KTN1: variants seen among roughly 807,000 people sequenced by gnomAD.
KTN1 encodes the protein kinectin.
In KTN1, 130 loss-of-function variants were observed where a neutral mutation model predicts 222.5. The ratio of observed to expected loss-of-function variants is 0.58; its 90% CI spans 0.51 to 0.68. The LOEUF is 0.68. KTN1 is among the 30% of genes least tolerant of loss of function. The pLI is 0.00. For missense variants in KTN1, 1,508 were observed against 1,500.4 expected (o/e 1.01, Z -0.08); for synonymous variants, 512 against 496.3 (o/e 1.03, Z -0.42).
At chr14:55,601,638 T>C (rs1217132513) in intron 1 of KTN1, 1 of 152,234 alleles carries the variant, frequency 6.6e-6, no homozygotes, top group Non-Finnish European at 1.5e-5. Context: ...GAGTCATTTA[T>C]TTTTAAAAAT....
At chr14:55,620,194 G>T (rs2038952067) in intron 5 of KTN1, among the ~76,000 whole-genome samples, 1 of 152,218 alleles carries the variant, frequency 6.6e-6, no homozygotes, top group African/African-American at 2.4e-5. Context: ...TCAAGAGGTG[G>T]ATTCCCATGG....
At chr14:55,630,385 T>C (rs1193376579) in intron 7 of KTN1, among the ~76,000 whole-genome samples, 1 of 152,182 alleles carries the variant, frequency 6.6e-6, no homozygotes, top group Non-Finnish European at 1.5e-5. Context: ...AGAAGTGATA[T>C]GCAGACTGTG....
intron 42 of KTN1, 118 bp from the exon 43 acceptor site, chr14:55,679,447 A>G: frequency 1.2e-6 from 1 of 816,104 alleles, no homozygotes; most frequent in Non-Finnish European, 1.9e-6. Context: ...TTTTCATGTC[A>G]TTGTTCAGAT....
intron 1 of KTN1, among the ~76,000 whole-genome samples, chr14:55,593,524 T>C (rs2034517446): frequency 7.0e-6 from 1 of 143,678 alleles, no homozygotes; most frequent in South Asian, 2.2e-4. Context: ...GCGCTAGGAC[T>C]AGCTGCTTGG....
At chr14:55,626,208 CAAAA>C (rs532496956) in intron 5 of KTN1, among the ~76,000 whole-genome samples, 1 of 143,246 alleles carries the variant, frequency 7.0e-6, no homozygotes, top group Non-Finnish European at 1.5e-5. Flanking sequence ...ATATCTTTAA[CAAAA>C]AAAAAAACCC....
At chr14:55,599,403 A>G (rs1484180369) in intron 1 of KTN1, among the ~76,000 whole-genome samples, 1 of 152,004 alleles carries the variant, frequency 6.6e-6, no homozygotes, top group Admixed American at 6.6e-5. Context: ...TTTTTTCCAG[A>G]GAGATTTTTC....
At chr14:55,627,291 C>T (rs1292370154) in intron 5 of KTN1, among the ~76,000 whole-genome samples, 1 of 151,998 alleles carries the variant, frequency 6.6e-6, no homozygotes, top group East Asian at 1.9e-4. Flanking sequence ...TTTCAGGATA[C>T]ACAACATTAA....
Position 55,601,546 on chromosome 14 carries a change from G to A in KTN1, c.-30-10473G>A, listed in dbSNP as rs369541791. Among the ~76,000 whole-genome samples the A allele has an allele frequency of 1.9e-3, 291 of 152,072 alleles. 2 individuals carry two copies. Among genetic ancestry groups the A allele is most frequent in the Non-Finnish European group, 2.8e-3 (188 of 67,978 alleles). On this transcript the variant is annotated intron_variant, in intron 1 of 43. Coordinates refer to ENST00000395314, the MANE Select transcript of KTN1 (RefSeq NM_001079521.2). ...AATAGGAATTTAGATGAGTTTTTGC[G>A]TTTTGATGGCCGTTTCAGGAAATGG...
chr14:55,618,417 G>T (rs1239202605), intron 4 of KTN1, among the ~76,000 whole-genome samples: 2 of 150,700 alleles, frequency 1.3e-5, no homozygotes, highest in East Asian at 1.9e-4. Context: ...CATAACTGTT[G>T]TTTTTTTTTA....
intron 1 of KTN1, among the ~76,000 whole-genome samples, chr14:55,589,012 T>G (rs749746798): frequency 5.9e-5 from 9 of 152,204 alleles, no homozygotes; most frequent in Admixed American, 5.2e-4. Flanking sequence ...CCACACAGTT[T>G]AAACCCATAG....
intron 43 of KTN1, chr14:55,680,616 C>A: frequency 1.2e-6 from 1 of 838,712 alleles, no homozygotes; most frequent in Non-Finnish European, 1.9e-6. Flanking sequence ...TCAGGGAGAG[C>A]TTAGGTATCC....
At chr14:55,647,992 G>A (rs771699809) in intron 19 of KTN1, 33 bp from the exon 20 acceptor site, 1 of 828,170 alleles carries the variant, frequency 1.2e-6, no homozygotes, top group Non-Finnish European at 1.8e-6. Context: ...TTGAAAAATA[G>A]TTAATACATG....
Position 55,679,661 on chromosome 14 carries a change from G to A in KTN1, c.4045G>A (p.Glu1349Lys), listed in dbSNP as rs1329023199. Reference sequence around the variant, plus strand: ...GGCGGTAAACCAACAGCTCACAAAGGAGAAAGAGCACTACCAGGTGTTAGG... The same window carrying A: ...GGCGGTAAACCAACAGCTCACAAAGAAGAAAGAGCACTACCAGGTGTTAGG... ...LQAVNQQLTK[E>K]KEHYQVLE Residue 1349 changes from glutamate (E) to lysine (K), a missense_variant, in exon 43 of 44, where the codon GAG becomes AAG. By Grantham distance (56) the Glu-to-Lys change is moderately conservative (BLOSUM62 1). Transcript: ENST00000395314. 1 of 1,613,828 alleles carries A rather than the reference G, an allele frequency of 6.2e-7. No homozygotes were observed. Among genetic ancestry groups the A allele is most frequent in the East Asian group, 2.2e-5 (1 of 44,872 alleles).
chr14:55,618,508 T>C (rs1232595843), intron 4 of KTN1, among the ~76,000 whole-genome samples: 1 of 152,156 alleles, frequency 6.6e-6, no homozygotes, highest in African/African-American at 2.4e-5. Flanking sequence ...ATCCCCTGTT[T>C]CCACATAAGT....
chr14:55,653,402 C>G (rs989941814), intron 27 of KTN1, among the ~76,000 whole-genome samples, 157 bp from the exon 28 acceptor site: 5 of 152,090 alleles, frequency 3.3e-5, no homozygotes, highest in African/African-American at 1.2e-4. Flanking sequence ...TTTAATAAAA[C>G]TCATTCTGTC....
At chr14:55,649,212 G>A (rs772589535) in intron 21 of KTN1, among the ~76,000 whole-genome samples, 1 of 152,190 alleles carries the variant, frequency 6.6e-6, no homozygotes, top group African/African-American at 2.4e-5. Flanking sequence ...TAGGCATGAG[G>A]CACTGTGCCC....
At chr14:55,669,455 CTATT>C (rs1241221294) in intron 34 of KTN1, among the ~76,000 whole-genome samples, 14 of 151,882 alleles carry the variant, frequency 9.2e-5, no homozygotes, top group East Asian at 1.9e-4. Context: ...GGACAATAAA[CTATT>C]TATGTTATAA....
At chr14:55,636,588 T>A (rs750374175) in intron 10 of KTN1, 52 bp downstream of exon 10, 7 of 1,294,394 alleles carry the variant, frequency 5.4e-6, no homozygotes. Context: ...TGGGTAAAAT[T>A]TCCTCTCTCT....
chr14:55,629,067 T>A (rs1415589009), intron 6 of KTN1, among the ~76,000 whole-genome samples: 1 of 152,126 alleles, frequency 6.6e-6, no homozygotes, highest in African/African-American at 2.4e-5. Context: ...TGATAATTAA[T>A]ATTTGTTCTA....
Sources: allele counts gnomAD v4.1 joint callset (sites outside exome capture counted in the v4.1 genomes callset), GRCh38; gene constraint gnomAD v4.1.1; transcripts MANE v1.5; gene names NCBI Gene and HGNC (gene_info 2026-07-23, HGNC 2026-07-21).